Variants in BCAS4 observed in about 807,000 individuals in gnomAD.
The protein encoded by BCAS4 is breast carcinoma amplified sequence 4.
Under a neutral mutation model 15.7 loss-of-function variants are expected in BCAS4, and 9 were observed. That is an observed-to-expected ratio of 0.57 (90% confidence interval 0.34 to 1.00). The LOEUF is 1.00. Among genes scored for constraint, BCAS4 ranks in the 50% least tolerant of loss-of-function variants. The pLI is 0.02. For missense variants in BCAS4, 225 were observed against 239.1 expected (o/e 0.94, Z 0.39); for synonymous variants, 101 against 99.5 (o/e 1.02, Z -0.09).
rs556148862 is a variant in BCAS4, at chr20:50,843,670, G to A, written c.399+1770G>A. ...ATCTCATGGTCTAGGAACTCCTCTT[G>A]CTCCTTCAGAGACCAAGTTAAAGAC... On this transcript the variant is annotated intron_variant, in intron 4 of 4. Transcript: ENST00000371608. 1.3e-4 allele frequency among the ~76,000 whole-genome samples: 20 copies of A among 152,330 alleles called. No individual in the cohort carries two copies. In the South Asian group the frequency reaches 3.9e-3, roughly 30 times the overall value.
chr20:50,857,277 A>G (rs1978813005), intron 4 of BCAS4, among the ~76,000 whole-genome samples: 1 of 152,048 alleles, frequency 6.6e-6, no homozygotes, highest in South Asian at 2.1e-4. Flanking sequence ...GATTACAGGC[A>G]TGCGCCACCA....
chr20:50,800,438 A>T (rs1053730950), intron 1 of BCAS4, among the ~76,000 whole-genome samples: 2 of 151,844 alleles, frequency 1.3e-5, no homozygotes, highest in Non-Finnish European at 2.9e-5. Flanking sequence ...CTTTCCCCAG[A>T]TGGAGGAGCT....
chr20:50,839,404 C>G (rs1038574901), intron 3 of BCAS4, among the ~76,000 whole-genome samples: 1 of 152,028 alleles, frequency 6.6e-6, no homozygotes, highest in Non-Finnish European at 1.5e-5. Flanking sequence ...TTGAATAAAA[C>G]AAGATTTTTC....
At chr20:50,871,925 C>T (rs1979664780) in intron 4 of BCAS4, among the ~76,000 whole-genome samples, 1 of 152,150 alleles carries the variant, frequency 6.6e-6, no homozygotes, top group African/African-American at 2.4e-5. Flanking sequence ...AGGTGGGGAG[C>T]TGCTCGGATG....
rs199653469 is a variant in BCAS4 at position 50,831,412 on chromosome 20, C to CA, written c.264+1038dup. Reference sequence around the variant, plus strand: ...TGGGCAACAGAGCAAGACTCTGTCTCAAAAAAGAAAAAAAAATGGGTGGAG... The same window carrying CA: ...TGGGCAACAGAGCAAGACTCTGTCTCAAAAAAAGAAAAAAAAATGGGTGGAG... On this transcript the variant is annotated intron_variant, in intron 3 of 4. Transcript: ENST00000371608. Among the ~76,000 whole-genome samples the CA allele has an allele frequency of 1.3e-3, 201 of 150,768 alleles. 1 individual carries two copies. Among genetic ancestry groups the CA allele is most frequent in the African/African-American group, 4.5e-3 (182 of 40,792 alleles).
intron 1 of BCAS4, among the ~76,000 whole-genome samples, chr20:50,810,990 C>A (rs2088055241): frequency 1.3e-5 from 2 of 152,088 alleles, no homozygotes; most frequent in Admixed American, 1.3e-4. Flanking sequence ...CAGGGAAAGC[C>A]TCACCTGGAA....
intron 4 of BCAS4, among the ~76,000 whole-genome samples, chr20:50,845,810 G>A (rs1393286804): frequency 6.6e-6 from 1 of 152,372 alleles, no homozygotes; most frequent in East Asian, 1.9e-4. Context: ...GTGGCCCCAC[G>A]GGAATGCTGG....
At chr20:50,823,320 A>G (rs1382297941) in intron 2 of BCAS4, among the ~76,000 whole-genome samples, 1 of 152,124 alleles carries the variant, frequency 6.6e-6, no homozygotes, top group African/African-American at 2.4e-5. Context: ...AGCCTCGGTG[A>G]CAGAGTGAGA....
At chr20:50,797,516 G>A (rs566259187) in intron 1 of BCAS4, among the ~76,000 whole-genome samples, 38 of 152,074 alleles carry the variant, frequency 2.5e-4, no homozygotes, top group Non-Finnish European at 4.1e-4. Context: ...GCAACGCAGG[G>A]AAACCCCTGT....
chr20:50,853,139 A>ATTTTTTTTTTTTTTTT (rs35651267), intron 4 of BCAS4, among the ~76,000 whole-genome samples: 1 of 106,906 alleles, frequency 9.4e-6, no homozygotes, highest in Non-Finnish European at 1.9e-5. Context: ...ATCCCCTTTC[A>ATTTTTTTTTTTTTTTT]TTTTTTTTTT....
At chr20:50,841,677 C>A in intron 3 of BCAS4, 89 bp from the exon 4 acceptor site, 2 of 1,569,120 alleles carry the variant, frequency 1.3e-6, no homozygotes, top group Non-Finnish European at 8.7e-7. Context: ...TGATGAAAGG[C>A]CTGGAGTCCC....
At chr20:50,804,170 C>G (rs767421446) in intron 1 of BCAS4, among the ~76,000 whole-genome samples, 2 of 152,164 alleles carry the variant, frequency 1.3e-5, no homozygotes, top group Non-Finnish European at 2.9e-5. Flanking sequence ...TCCCAAATAG[C>G]TGGGATTACA....
At chr20:50,803,406 T>C (rs1246589686) in intron 1 of BCAS4, among the ~76,000 whole-genome samples, 3 of 152,174 alleles carry the variant, frequency 2.0e-5, no homozygotes, top group African/African-American at 4.8e-5. Flanking sequence ...GGCAAAAATA[T>C]GTATTTTCAT....
chr20:50,849,875 C>T (rs1245968615), intron 4 of BCAS4, among the ~76,000 whole-genome samples: 8 of 152,102 alleles, frequency 5.3e-5, no homozygotes, highest in Admixed American at 5.2e-4. Flanking sequence ...ACCTGTAATC[C>T]CAGCACTTTG....
rs143296283 is a variant in BCAS4 at position 50,847,306 on chromosome 20, C to T, written c.399+5406C>T. Among the ~76,000 whole-genome samples, 639 of 152,202 alleles carry T rather than the reference C, an allele frequency of 4.2e-3. 6 individuals carry two copies. The highest frequency in any genetic ancestry group is 6.8e-3 in the Middle Eastern group (2 of 294). On this transcript the variant is annotated intron_variant, in intron 4 of 4. Transcript: ENST00000371608. ...TTCGACACATTGGCCAAGTTGGTCT[C>T]GAACTCCTGACCTCAAGTGATCCAC...
chr20:50,847,522 A>G (rs777999677), intron 4 of BCAS4, among the ~76,000 whole-genome samples: 2 of 152,198 alleles, frequency 1.3e-5, no homozygotes, highest in African/African-American at 4.8e-5. Context: ...CAGCTTGTCA[A>G]TCCTCATAAC....
chr20:50,867,229 C>A (rs941989443), intron 4 of BCAS4, among the ~76,000 whole-genome samples: 2 of 152,156 alleles, frequency 1.3e-5, no homozygotes, highest in African/African-American at 4.8e-5. Context: ...TTTTCTGTTC[C>A]GGGATCCCAT....
At chr20:50,867,613 C>T (rs1184361637) in intron 4 of BCAS4, among the ~76,000 whole-genome samples, 4 of 152,174 alleles carry the variant, frequency 2.6e-5, no homozygotes, top group Non-Finnish European at 5.9e-5. Context: ...CTGCCTTGGC[C>T]TCCCAAGGTG....
chr20:50,870,054 T>C (rs552180006), intron 4 of BCAS4, among the ~76,000 whole-genome samples: 6 of 152,212 alleles, frequency 3.9e-5, no homozygotes, highest in African/African-American at 9.6e-5. Flanking sequence ...CAGCCTGCCA[T>C]TGCTTTTCTA....
Sources: gnomAD v4.1 joint callset for allele counts (sites outside exome capture counted in the v4.1 genomes callset) on GRCh38, gnomAD v4.1.1 for gene constraint, MANE v1.5 for transcripts, NCBI Gene and HGNC (gene_info 2026-07-23, HGNC 2026-07-21) for gene names.